WWOX: variants seen among roughly 807,000 people sequenced by gnomAD.
WWOX encodes WW domain containing oxidoreductase.
A neutral mutation model predicts 46.2 loss-of-function variants in WWOX; 69 were observed. The observed-to-expected ratio is 1.49, with a 90% CI of 1.23 to 1.82. The LOEUF is 1.82. Among genes scored for constraint, WWOX ranks in the 40% most tolerant of loss-of-function variants. The pLI, the probability that WWOX is intolerant of heterozygous loss-of-function variation, is 0.00. For missense variants in WWOX, 919 were observed against 542.6 expected (o/e 1.69, Z -6.89); for synonymous variants, 359 against 202.6 (o/e 1.77, Z -6.56).
chr16:79,128,185 C>G (rs1054863756), intron 8 of WWOX, among the ~76,000 whole-genome samples: 3 of 152,110 alleles, frequency 2.0e-5, no homozygotes, highest in African/African-American at 7.2e-5. Context: ...ATAAAACGCC[C>G]TGCCAGAATC....
At chr16:78,953,691 C>T (rs2046108629) in intron 8 of WWOX, among the ~76,000 whole-genome samples, 2 of 152,114 alleles carry the variant, frequency 1.3e-5, no homozygotes, top group Admixed American at 6.5e-5. Flanking sequence ...TAGGCAGTGA[C>T]AGAAGAGAGT....
chr16:79,210,493 C>CAA (rs2051690981), intron 8 of WWOX, among the ~76,000 whole-genome samples: 1 of 152,150 alleles, frequency 6.6e-6, no homozygotes, highest in East Asian at 1.9e-4. Context: ...CCCCCACAAT[C>CAA]AAAGTTCCTT....
At chr16:78,687,864 A>T (rs7185340) in intron 8 of WWOX, among the ~76,000 whole-genome samples, 1 of 151,962 alleles carries the variant, frequency 6.6e-6, no homozygotes, top group Non-Finnish European at 1.5e-5. Context: ...GCATTAGAAC[A>T]GATTAAAAAT....
intron 8 of WWOX, among the ~76,000 whole-genome samples, chr16:78,813,617 A>C (rs1037480734): frequency 6.6e-6 from 1 of 152,048 alleles, no homozygotes; most frequent in African/African-American, 2.4e-5. Context: ...GTGTGTGTTC[A>C]TCACGTATCC....
At chr16:79,133,559 GTTTC>G (rs2049924070) in intron 8 of WWOX, among the ~76,000 whole-genome samples, 1 of 152,096 alleles carries the variant, frequency 6.6e-6, no homozygotes, top group African/African-American at 2.4e-5. Context: ...CCTTCATTCT[GTTTC>G]TTTATTATTT....
intron 8 of WWOX, among the ~76,000 whole-genome samples, chr16:78,587,193 CTTTTT>C (rs528293412): frequency 3.4e-4 from 38 of 112,892 alleles, no homozygotes; most frequent in East Asian, 1.5e-3. Context: ...GCCTGGCTAA[CTTTTT>C]TTTTTTTTTT....
chr16:78,977,450 C>T (rs994705533), intron 8 of WWOX, among the ~76,000 whole-genome samples: 2 of 152,170 alleles, frequency 1.3e-5, no homozygotes, highest in African/African-American at 4.8e-5. Flanking sequence ...ACACCAGAAG[C>T]TATAAGGAGA....
At chr16:78,465,822 A>T (rs1245994879) in intron 8 of WWOX, among the ~76,000 whole-genome samples, 2 of 152,308 alleles carry the variant, frequency 1.3e-5, no homozygotes, top group South Asian at 2.1e-4. Context: ...TGATCTTTAC[A>T]GTCTGAATTG....
intron 1 of WWOX, among the ~76,000 whole-genome samples, chr16:78,102,425 A>G (rs907128088): frequency 2.6e-5 from 4 of 152,242 alleles, no homozygotes; most frequent in African/African-American, 4.8e-5. Context: ...TGGCAGAGCC[A>G]GAGAGTGGCA....
At chr16:78,258,948 A>G (rs189247020) in intron 5 of WWOX, among the ~76,000 whole-genome samples, 1 of 152,296 alleles carries the variant, frequency 6.6e-6, no homozygotes, top group Non-Finnish European at 1.5e-5. Context: ...TGGCCTGCAA[A>G]CAGTGTTACT....
chr16:78,448,802 T>C (rs926171285), intron 8 of WWOX, among the ~76,000 whole-genome samples: 7 of 152,196 alleles, frequency 4.6e-5, no homozygotes, highest in African/African-American at 1.7e-4. Context: ...CCTTCCTTTT[T>C]ATCCTTTTAT....
chr16:78,627,072 T>C (rs1014055313), intron 8 of WWOX, among the ~76,000 whole-genome samples: 3 of 152,160 alleles, frequency 2.0e-5, no homozygotes, highest in Non-Finnish European at 2.9e-5. Flanking sequence ...AAGGGCAGCA[T>C]GCTACTATAA....
intron 8 of WWOX, among the ~76,000 whole-genome samples, chr16:78,986,402 G>A (rs2046785444): frequency 6.6e-6 from 1 of 152,166 alleles, no homozygotes; most frequent in African/African-American, 2.4e-5. Context: ...CAATTGGTTT[G>A]GACATGAACT....
intron 8 of WWOX, among the ~76,000 whole-genome samples, chr16:78,601,276 T>C (rs140970169): frequency 4.9e-4 from 75 of 152,254 alleles, no homozygotes; most frequent in African/African-American, 1.6e-3. Flanking sequence ...CCCCTTTGGG[T>C]GTTTGTGAAA....
chr16:78,391,533 T>C (rs1321216514), intron 6 of WWOX, among the ~76,000 whole-genome samples: 1 of 152,184 alleles, frequency 6.6e-6, no homozygotes. Flanking sequence ...GATTTCTGTA[T>C]TGGTTATGTA....
intron 8 of WWOX, chr16:78,526,568 G>C (rs9923830): frequency 0.039 from 5,908 of 152,198 alleles, 249 homozygotes; most frequent in African/African-American, 0.11. Flanking sequence ...GGGCAAACAG[G>C]TGTCCCCCAG....
At chr16:78,719,652 C>G (rs1290940713) in intron 8 of WWOX, among the ~76,000 whole-genome samples, 5 of 152,170 alleles carry the variant, frequency 3.3e-5, no homozygotes, top group East Asian at 1.9e-4. Context: ...ATTGCTCTGT[C>G]TTACACTGGT....
chr16:78,106,735 C>T (rs1810559323), intron 1 of WWOX, among the ~76,000 whole-genome samples: 1 of 152,014 alleles, frequency 6.6e-6, no homozygotes, highest in African/African-American at 2.4e-5. Context: ...CTTTTTTTTG[C>T]AAGTGATATT....
chr16:78,853,659 G>A (rs1393108024), intron 8 of WWOX, among the ~76,000 whole-genome samples: 3 of 152,064 alleles, frequency 2.0e-5, no homozygotes, highest in Non-Finnish European at 4.4e-5. Context: ...GGAGAAGAGG[G>A]GCGGATAAAT....
Sources: gnomAD v4.1 joint callset for allele counts (sites outside exome capture counted in the v4.1 genomes callset) on GRCh38, gnomAD v4.1.1 for gene constraint, MANE v1.5 for transcripts, NCBI Gene and HGNC (gene_info 2026-07-23, HGNC 2026-07-21) for gene names.